Variants in GANAB observed in about 807,000 individuals in gnomAD.
The protein encoded by GANAB is glucosidase II alpha subunit, also known as neutral alpha-glucosidase AB.
In GANAB, 35 loss-of-function variants were observed where a neutral mutation model predicts 129.9. The observed-to-expected ratio is 0.27, with a 90% CI of 0.21 to 0.36. The LOEUF (loss-of-function observed/expected upper bound fraction) is 0.36, where lower values mean the gene tolerates loss of function less well. GANAB is among the 10% of genes least tolerant of loss of function. The probability of loss-of-function intolerance (pLI) is 1.00; values close to 1 mark genes in which losing one functional copy is unlikely to be tolerated. For missense variants in GANAB, 939 were observed against 1,221.0 expected (o/e 0.77, Z 3.44); for synonymous variants, 482 against 451.8 (o/e 1.07, Z -0.85).
chr11:62,625,443 T>C lies in GANAB; in HGVS notation c.*372A>G. The C allele has an allele frequency of 2.5e-6, 1 of 397,290 alleles. No individual in the cohort carries two copies. The highest frequency in any genetic ancestry group is 1.9e-5 in the South Asian group (1 of 51,544). 24.6% of individuals were successfully genotyped at this position (397,290 alleles called of 1,614,324 possible). Reference sequence around the variant, plus strand: ...CCTCATCTTCTTCCAAGAAGTGGCATCAACATACAAGAGGCATGAATGGAT... The same window carrying C: ...CCTCATCTTCTTCCAAGAAGTGGCACCAACATACAAGAGGCATGAATGGAT... On this transcript the variant is annotated 3_prime_UTR_variant, in exon 24 of 24. Coordinates refer to ENST00000356638, the MANE Select transcript of GANAB (RefSeq NM_198334.3).
chr11:62,634,986 C>A lies in GANAB; in HGVS notation c.395G>T (p.Gly132Val), dbSNP rs1025071174. 5.0e-6 allele frequency: 8 copies of A among 1,610,050 alleles called. No individual in the cohort carries two copies. Among genetic ancestry groups the A allele is most frequent in the Admixed American group, 1.7e-5 (1 of 59,840 alleles). The change falls in exon 5 of 24, where the codon GGT (glycine) becomes GTT (valine). Residue 132 changes from glycine to valine, a missense_variant. Around this residue, in one of 5 missense-constraint regions of GANAB, gnomAD observed 321 missense variants for 329.1 expected, o/e 0.98. Coordinates refer to ENST00000356638, the MANE Select transcript of GANAB (RefSeq NM_198334.3). ...DPPIARLSVS[G>V]RDENSVELTM... ...TAACTCCACACTGTTCTCATCACGA[C>A]CAGAGACAGAAAGCCTGGGAAACAT...
intron 1 of GANAB, among the ~76,000 whole-genome samples, chr11:62,646,179 C>A (rs1182822359): frequency 6.6e-6 from 1 of 152,238 alleles, no homozygotes; most frequent in African/African-American, 2.4e-5. Flanking sequence ...CGCGGGGCCG[C>A]AGGCTGCATT....
In GANAB at chr11:62,639,666, C is replaced by T; in HGVS notation, c.104G>A (p.Arg35Lys). The T allele has an allele frequency of 1.2e-6, 2 of 1,613,916 alleles. No homozygotes were observed. The highest frequency in any genetic ancestry group is 1.7e-6 in the Non-Finnish European group (2 of 1,179,834). ...VCLGITLAVD[R>K]SNFKTCEESS... The stretch of plus-strand genomic sequence containing the variant: ...CTCTTCACAGGTCTTAAAGTTGCTT[C>T]TATCCACAGCAAGGGTAATCCCCAG... Residue 35 changes from arginine (R) to lysine (K), a missense_variant, in exon 2 of 24, where the codon AGA becomes AAA. By Grantham distance (26) the Arg-to-Lys change is conservative. This residue lies in a region of GANAB where 321 missense variants were observed against 329.1 expected (regional missense o/e 0.98). Transcript: ENST00000356638.
In GANAB at chr11:62,625,289, G is replaced by A. The variant is rs1047579516; in HGVS notation, c.*526C>T. On this transcript the variant is annotated 3_prime_UTR_variant, in exon 24 of 24. Coordinates refer to ENST00000356638, the MANE Select transcript of GANAB (RefSeq NM_198334.3). ...CTCACTCCTTTGATCCATTCATCCT[G>A]TCCGGGGTAAGGGGTGGTCCCAGTG... 1.1e-5 allele frequency: 5 copies of A among 456,260 alleles called. No homozygotes were observed. The highest frequency in any genetic ancestry group is 1.8e-5 in the Non-Finnish European group (4 of 226,854). The allele number at this position is 456,260 out of a possible 1,614,324, so 28.3% of individuals were successfully genotyped here. A position where few individuals can be genotyped will look rare whatever the true frequency, so the allele number is the denominator to read the frequency against.
In GANAB at chr11:62,626,389, C is replaced by T. The variant is rs772083807; in HGVS notation, c.2570G>A (p.Arg857His). ...DDGHTFNYQTRQEFLLRRFSF... is the reference protein window; with the variant it reads ...DDGHTFNYQTHQEFLLRRFSF... ...GAATCGACGCAGCAGGAACTCTTGG[C>T]GAGTCTGATAGTTGAACGTGTGCCC... Residue 857 changes from arginine (R) to histidine (H), a missense_variant, in exon 22 of 24, where the codon CGC becomes CAC. Arg to His is a conservative substitution (Grantham distance 29). Transcript: ENST00000356638. 15 of 1,613,694 alleles carry T rather than the reference C, an allele frequency of 9.3e-6. No individual in the cohort carries two copies. The highest frequency in any genetic ancestry group is 2.2e-5 in the East Asian group (1 of 44,870).
Position 62,630,365 on chromosome 11 carries a change from C to G in GANAB, c.1513+14G>C. The G allele has an allele frequency of 6.2e-7, 1 of 1,614,164 alleles. No homozygotes were observed. Among genetic ancestry groups the G allele is most frequent in the South Asian group, 1.1e-5 (1 of 91,082 alleles). On this transcript the variant is annotated intron_variant, in intron 12 of 23. Coordinates refer to ENST00000356638, the MANE Select transcript of GANAB (RefSeq NM_198334.3). ...CTGGCCAATCAACTCTCCCTCAATTCTGGGTCTGCTTACCTGGCCAGCACC... is the reference window on the plus strand; with the variant it reads ...CTGGCCAATCAACTCTCCCTCAATTGTGGGTCTGCTTACCTGGCCAGCACC...
At chr11:62,631,312 T>C in intron 9 of GANAB, 129 bp from the exon 10 acceptor site, 1 of 746,498 alleles carries the variant, frequency 1.3e-6, no homozygotes. Flanking sequence ...TCGGTAAGAC[T>C]AAACGGGGCC....
At chr11:62,630,301 C>T (rs1447532026) in intron 12 of GANAB, 25 bp from the exon 13 acceptor site, 1 of 1,612,226 alleles carries the variant, frequency 6.2e-7, no homozygotes, top group Admixed American at 1.7e-5. Flanking sequence ...GGGTGGCTCT[C>T]AATCCCCTAA....
At position 62,625,062 on chromosome 11, in the gene GANAB, T is replaced by C; in HGVS notation, c.*753A>G. The stretch of plus-strand genomic sequence containing the variant: ...CATGATTCACTGAAACCACAACTGA[T>C]TTCTCCATCTTAAGTGCCCCTCAAA... On this transcript the variant is annotated 3_prime_UTR_variant, in exon 24 of 24. Coordinates refer to ENST00000356638, the MANE Select transcript of GANAB (RefSeq NM_198334.3). 1 of 354,938 alleles carries C rather than the reference T, an allele frequency of 2.8e-6. No homozygotes were observed. Among genetic ancestry groups the C allele is most frequent in the Non-Finnish European group, 5.4e-6 (1 of 184,314 alleles). The allele number at this position is 354,938 out of a possible 1,614,324, so 22.0% of individuals were successfully genotyped here.
Position 62,628,928 on chromosome 11 carries a change from CG to C in GANAB, c.2020del (p.Arg674GlyfsTer23). 1 of 1,614,110 alleles carries C rather than the reference CG, an allele frequency of 6.2e-7. No individual in the cohort carries two copies. Among genetic ancestry groups the C allele is most frequent in the Non-Finnish European group, 8.5e-7 (1 of 1,180,010 alleles). On this transcript the variant is annotated frameshift_variant, in exon 17 of 24. Transcript: ENST00000356638. LOFTEE classifies it high-confidence loss of function. ...YQMGAYQPFF[R>X]AHAHLDTGRR... ...CCCAGTGTCCAAGTGGGCATGTGCC[CG>C]GAAGAATGGCTGGTAAGCACCCATC...
At chr11:62,630,315 G>A (rs774373624) in intron 12 of GANAB, 39 bp from the exon 13 acceptor site, 1 of 1,612,342 alleles carries the variant, frequency 6.2e-7, no homozygotes, top group Non-Finnish European at 8.5e-7. Flanking sequence ...CCCCTAAGGG[G>A]CAAAAGAGCC....
intron 4 of GANAB, among the ~76,000 whole-genome samples, chr11:62,636,436 A>G (rs888338102): frequency 5.3e-5 from 8 of 151,554 alleles, no homozygotes; most frequent in African/African-American, 1.9e-4. Context: ...ACCCATCTCT[A>G]CCAAAAATAC....
In GANAB at chr11:62,631,032, G is replaced by GT. The variant is rs781516774; in HGVS notation, c.1147dup (p.Thr383AsnfsTer26). On this transcript the variant is annotated frameshift_variant, in exon 10 of 24. Coordinates refer to ENST00000356638, the MANE Select transcript of GANAB (RefSeq NM_198334.3). LOFTEE classifies it high-confidence loss of function. ...ATGAGGCAGGGAAAACCATGTACCTGTGAGACTAGCATATTGCCGGAAAAC... is the reference window on the plus strand; with the variant it reads ...ATGAGGCAGGGAAAACCATGTACCTGTTGAGACTAGCATATTGCCGGAAAAC... 1 of 1,597,462 alleles carries GT rather than the reference G, an allele frequency of 6.3e-7. No individual in the cohort carries two copies. The highest frequency in any genetic ancestry group is 8.6e-7 in the Non-Finnish European group (1 of 1,166,184).
At chr11:62,639,494 G>T (rs370930317) in intron 2 of GANAB, 27 bp from the exon 3 acceptor site, 1 of 1,566,506 alleles carries the variant, frequency 6.4e-7, no homozygotes, top group East Asian at 2.2e-5. Context: ...TGGGAAGTAA[G>T]GTAAAGGCCA....
Position 62,630,836 on chromosome 11 carries a change from C to T in GANAB, c.1151G>A (p.Gly384Glu). Reference sequence around the variant, plus strand: ...GAAGAGTGGGGGCAACGCCTGGGTTCCTGCAGGTTCATGAGGGATGGGGGT... The same window carrying T: ...GAAGAGTGGGGGCAACGCCTGGGTTTCTGCAGGTTCATGAGGGATGGGGGT... ...DVFRQYASLT[G>E]TQALPPLFSL... Residue 384 changes from glycine (G) to glutamate (E), a missense_variant and splice_region_variant, in exon 11 of 24, where the codon GGA (glycine) becomes GAA (glutamate). Physicochemically the swap from Gly to Glu is moderately conservative, Grantham distance 98. This residue lies in a region of GANAB where 220 missense variants were observed against 295.9 expected (regional missense o/e 0.74). Transcript: ENST00000356638. 2 of 1,610,824 alleles carry T rather than the reference C, an allele frequency of 1.2e-6. No homozygotes were observed. Among genetic ancestry groups the T allele is most frequent in the Non-Finnish European group, 1.7e-6 (2 of 1,177,724 alleles).
At chr11:62,633,693 T>C in intron 5 of GANAB, 179 bp from the exon 6 acceptor site, 1 of 614,954 alleles carries the variant, frequency 1.6e-6, no homozygotes, top group Non-Finnish European at 2.9e-6. Context: ...TTGCAAAGGA[T>C]GGGGAGAGAA....
At chr11:62,634,600 C>CA (rs935850922) in intron 5 of GANAB, 2 of 614,606 alleles carry the variant, frequency 3.3e-6, no homozygotes, top group African/African-American at 3.7e-5. Flanking sequence ...CAGAGATGCC[C>CA]AGGGTACAGC....
At chr11:62,639,816 A>C in intron 1 of GANAB, 85 bp from the exon 2 acceptor site, 2 of 787,488 alleles carry the variant, frequency 2.5e-6, no homozygotes, top group East Asian at 4.9e-5. Flanking sequence ...TTCCTGTCAT[A>C]GCACTAGAAG....
Position 62,628,983 on chromosome 11 carries a change from C to T in GANAB, c.1966G>A (p.Glu656Lys), listed in dbSNP as rs1427573233. 1.2e-6 allele frequency: 2 copies of T among 1,613,444 alleles called. No individual in the cohort carries two copies. Among genetic ancestry groups the T allele is most frequent in the South Asian group, 1.1e-5 (1 of 91,078 alleles). The stretch of plus-strand genomic sequence containing the variant: ...TACCAGCGCACAAGCAGCTCTGGCT[C>T]TGGGTTTTTGAAGAAGCCACCCACA... ...ADVGGFFKNP[E>K]PELLVRWYQM... The change falls in exon 17 of 24, where the codon GAG (glutamate) becomes AAG (lysine). Residue 656 changes from glutamate to lysine, a missense_variant. Coordinates refer to ENST00000356638, the MANE Select transcript of GANAB (RefSeq NM_198334.3).
Sources: allele counts gnomAD v4.1 joint callset (sites outside exome capture counted in the v4.1 genomes callset), GRCh38; gene constraint gnomAD v4.1.1; regional missense constraint gnomAD v4.1.1; transcripts MANE v1.5; gene names NCBI Gene and HGNC (gene_info 2026-07-23, HGNC 2026-07-21).